SRGAP2B: variants seen among roughly 807,000 people sequenced by gnomAD.
SRGAP2B encodes SLIT-ROBO Rho GTPase-activating protein 2B.
In SRGAP2B, 9 loss-of-function variants were observed where a neutral mutation model predicts 22.2. The observed-to-expected ratio is 0.41, with a 90% CI of 0.24 to 0.71. The LOEUF (loss-of-function observed/expected upper bound fraction) is 0.71, where lower values mean the gene tolerates loss of function less well. Ranked by LOEUF, SRGAP2B falls within the 30% of genes least tolerant of loss-of-function variation. SRGAP2B has a pLI of 0.35. For missense variants in SRGAP2B, 114 were observed against 235.8 expected, an observed-to-expected ratio of 0.48 and a Z score of 3.38; for synonymous variants, 36 against 87.4, an observed-to-expected ratio of 0.41 and a Z score of 3.28.
At position 144,966,599 on chromosome 1, in the gene SRGAP2B, C is replaced by T. The variant is rs1220902846; in HGVS notation, c.261-10998G>A. On this transcript the variant is annotated intron_variant, in intron 3 of 9. Coordinates refer to ENST00000612199, the Ensembl canonical transcript of SRGAP2B. ...CTGCATCAACTAATGAACAAAATAG[C>T]CAGCTAACATCATAATGACAGGATC... is the stretch of plus-strand genomic sequence containing the variant. Among the ~76,000 whole-genome samples, 5 of 146,282 alleles carry T rather than the reference C, an allele frequency of 3.4e-5. 1 individual carries two copies. Among genetic ancestry groups the T allele is most frequent in the Admixed American group, 3.3e-4 (5 of 15,048 alleles).
intron 2 of SRGAP2B, among the ~76,000 whole-genome samples, chr1:144,998,852 G>A (rs1477191179): frequency 2.7e-5 from 4 of 150,744 alleles, no homozygotes; most frequent in African/African-American, 7.4e-5. Flanking sequence ...ACAAACAATG[G>A]TCCCCAAGAA....
intron 4 of SRGAP2B, among the ~76,000 whole-genome samples, chr1:144,925,783 GAAA>G (rs1664681388): frequency 4.8e-5 from 6 of 125,422 alleles, no homozygotes; most frequent in East Asian, 2.3e-4. Context: ...AAGAAAGAAA[GAAA>G]GAAAGAAAGG....
intron 2 of SRGAP2B, among the ~76,000 whole-genome samples, chr1:145,089,936 A>G (rs1276795196): frequency 2.1e-5 from 3 of 145,228 alleles, no homozygotes; most frequent in Admixed American, 2.0e-4. Flanking sequence ...CATTTTCCAA[A>G]TAAGGAAACT....
chr1:144,952,606 G>A (rs1205536315), intron 4 of SRGAP2B, among the ~76,000 whole-genome samples: 2 of 149,560 alleles, frequency 1.3e-5, no homozygotes, highest in African/African-American at 5.0e-5. Context: ...GTCTCTCTCT[G>A]TTGCCCAGGC....
chr1:144,909,527 C>T (rs1230091134), intron 5 of SRGAP2B, among the ~76,000 whole-genome samples: 1 of 144,286 alleles, frequency 6.9e-6, no homozygotes, highest in African/African-American at 2.7e-5. Flanking sequence ...GTGGAGCTTG[C>T]AGTGAGCCGA....
Position 144,985,460 on chromosome 1 carries a change from C to A in SRGAP2B, c.260+9548G>T, listed in dbSNP as rs1394890757. On this transcript the variant is annotated intron_variant, in intron 3 of 9. Coordinates refer to ENST00000612199, the Ensembl canonical transcript of SRGAP2B. ...AGCTATTAAAAGCAGGAGATCAAAA[C>A]CAAGTGAGCTATGACTGAAAGGTAA... Among the ~76,000 whole-genome samples, 26 of 150,338 alleles carry A rather than the reference C, an allele frequency of 1.7e-4. 3 individuals are homozygous for A. Among genetic ancestry groups the A allele is most frequent in the African/African-American group, 6.0e-4 (24 of 40,248 alleles).
intron 3 of SRGAP2B, among the ~76,000 whole-genome samples, chr1:144,975,829 G>A (rs1160712506): frequency 7.1e-6 from 1 of 141,330 alleles, no homozygotes; most frequent in East Asian, 2.1e-4. Flanking sequence ...TTAAAATCTA[G>A]TCAGTAGTCT....
At chr1:145,006,364 T>C (rs145572844) in intron 2 of SRGAP2B, among the ~76,000 whole-genome samples, 3,265 of 150,554 alleles carry the variant, frequency 0.022, 272 homozygotes, top group African/African-American at 0.076. Context: ...CATGAAGCTA[T>C]AGTCAACTTA....
chr1:144,988,999 C>CTTTTTTTTTTTTTTTTTTTTTTT (rs3062880), intron 3 of SRGAP2B, among the ~76,000 whole-genome samples: 2 of 55,080 alleles, frequency 3.6e-5, no homozygotes, highest in Admixed American at 2.6e-4. Flanking sequence ...ACTCCCCCCA[C>CTTTTTTTTTTTTTTTTTTTTTTT]TTTTTTTTTT....
chr1:144,963,071 G>C (rs1315269744), intron 3 of SRGAP2B, among the ~76,000 whole-genome samples: 4 of 151,156 alleles, frequency 2.6e-5, no homozygotes, highest in Non-Finnish European at 4.4e-5. Flanking sequence ...TAGAAAATCT[G>C]CCTGCCCACC....
intron 2 of SRGAP2B, among the ~76,000 whole-genome samples, chr1:144,998,599 G>T (rs1367164853): frequency 1.3e-5 from 2 of 150,742 alleles, no homozygotes; most frequent in African/African-American, 2.5e-5. Context: ...AGAACAGGAG[G>T]TGGAGAAGGA....
chr1:145,039,399 C>T (rs1404368456), intron 2 of SRGAP2B, among the ~76,000 whole-genome samples: 18 of 110,200 alleles, frequency 1.6e-4, no homozygotes, highest in Admixed American at 2.9e-4. Context: ...CACTCGAGCC[C>T]AGAAGGTCGA....
At chr1:144,911,949 T>C (rs1275952182) in intron 5 of SRGAP2B, among the ~76,000 whole-genome samples, 1 of 129,604 alleles carries the variant, frequency 7.7e-6, no homozygotes, top group Non-Finnish European at 1.6e-5. Context: ...TTTTCCTTTT[T>C]CTTTTTTTTT....
intron 7 of SRGAP2B, among the ~76,000 whole-genome samples, chr1:144,904,229 T>C (rs1436507359): frequency 2.7e-5 from 4 of 149,640 alleles, no homozygotes; most frequent in Admixed American, 6.7e-5. Flanking sequence ...CTTCCTTATC[T>C]AGCAACTGGA....
chr1:145,083,387 AAC>A (rs1334941438), intron 2 of SRGAP2B, among the ~76,000 whole-genome samples: 2 of 95,142 alleles, frequency 2.1e-5, no homozygotes, highest in Admixed American at 1.0e-4. Flanking sequence ...GATTAATATT[AAC>A]AGTCTTTTAT....
intron 3 of SRGAP2B, among the ~76,000 whole-genome samples, chr1:144,984,609 A>G (rs1162747858): frequency 6.7e-6 from 1 of 149,568 alleles, no homozygotes; most frequent in Non-Finnish European, 1.5e-5. Context: ...TGTCTGGCAC[A>G]TGGTAAGAAG....
chr1:145,030,361 T>C (rs1553625761), intron 2 of SRGAP2B, among the ~76,000 whole-genome samples: 1 of 149,402 alleles, frequency 6.7e-6, no homozygotes, highest in Non-Finnish European at 1.5e-5. Context: ...ATTCCATGTT[T>C]GAATACTATA....
chr1:144,892,647 A>G (rs1369118920), intron 9 of SRGAP2B, among the ~76,000 whole-genome samples: 1 of 149,692 alleles, frequency 6.7e-6, no homozygotes, highest in Non-Finnish European at 1.5e-5. Flanking sequence ...TACTTTTAAA[A>G]TTTAATATTA....
intron 3 of SRGAP2B, chr1:144,965,269 C>T: frequency 2.2e-6 from 1 of 461,346 alleles, no homozygotes; most frequent in Non-Finnish European, 4.0e-6. Flanking sequence ...AGCAGTGGTT[C>T]TCCCAGCACG....
Sources: gnomAD v4.1 joint callset for allele counts (sites outside exome capture counted in the v4.1 genomes callset) on GRCh38, gnomAD v4.1.1 for gene constraint, MANE v1.5 for transcripts, NCBI Gene and HGNC (gene_info 2026-07-23, HGNC 2026-07-21) for gene names.